The following CUX2 variants were observed in gnomAD, a reference collection of about 807,000 sequenced individuals.
CUX2 encodes cut like homeobox 2, also known as homeobox protein cut-like 2.
A neutral mutation model predicts 144.8 loss-of-function variants in CUX2; 40 were observed. That is an observed-to-expected ratio of 0.28 (90% CI 0.21 to 0.36). The LOEUF is 0.36. CUX2 is among the 10% of genes least tolerant of loss of function. The pLI is 1.00. For synonymous variants in CUX2, 827 were observed against 875.6 expected, an observed-to-expected ratio of 0.94 and a Z score of 0.98; for missense variants, 1,615 against 1,994.0, an observed-to-expected ratio of 0.81 and a Z score of 3.62.
At chr12:111,094,269 C>G (rs1872698653) in intron 1 of CUX2, among the ~76,000 whole-genome samples, 1 of 152,228 alleles carries the variant, frequency 6.6e-6, no homozygotes, top group Non-Finnish European at 1.5e-5. Flanking sequence ...AGGAGGGGAA[C>G]AGGCTGCGGC....
intron 1 of CUX2, among the ~76,000 whole-genome samples, chr12:111,152,302 A>AAAAT (rs1484013641): frequency 1.3e-5 from 2 of 152,018 alleles, no homozygotes; most frequent in Non-Finnish European, 2.9e-5. Flanking sequence ...ATAAATAAAT[A>AAAAT]AAATAAATAA....
chr12:111,310,115 C>T lies in CUX2; in HGVS notation c.1333C>T (p.Leu445Phe), dbSNP rs1013574051. Residue 445 changes from leucine to phenylalanine, a missense_variant, in exon 15 of 22, where the codon CTC becomes TTC. By Grantham distance (22) the Leu-to-Phe change is conservative. Coordinates refer to ENST00000261726, the MANE Select transcript of CUX2 (RefSeq NM_015267.4). The surrounding 1 kb of genome is among the most constrained non-coding windows in gnomAD (Gnocchi z 7.9). ...GCAGTCCTACCCCTCCCCTCAGCAGCTCCCACCTCCACCAGGGCCAGAAGA... is the reference window on the plus strand; with the variant it reads ...GCAGTCCTACCCCTCCCCTCAGCAGTTCCCACCTCCACCAGGGCCAGAAGA... ...TEQSYPSPQQ[L>F]PPPPGPEDPL... is the part of the protein sequence containing the mutation. 6.8e-7 allele frequency: 1 copy of T among 1,477,822 alleles called. No homozygotes were observed. The highest frequency in any genetic ancestry group is 2.6e-5 in the Admixed American group (1 of 38,312). The allele number at this position is 1,477,822 out of a possible 1,614,324, so 91.5% of individuals were successfully genotyped here.
chr12:111,216,394 G>A (rs1478042741), intron 2 of CUX2, among the ~76,000 whole-genome samples: 1 of 152,192 alleles, frequency 6.6e-6, no homozygotes, highest in Admixed American at 6.5e-5. Context: ...TGGACCAGAG[G>A]TCTCCCGCCA....
chr12:111,250,246 C>T (rs1336055214), intron 3 of CUX2, among the ~76,000 whole-genome samples: 1 of 152,144 alleles, frequency 6.6e-6, no homozygotes, highest in Non-Finnish European at 1.5e-5. Context: ...GCCACTTGCC[C>T]ACTTCAGGTG....
At position 111,329,638 on chromosome 12, in the gene CUX2, T is replaced by C. The variant is rs1396787559; in HGVS notation, c.2927-4803T>C. ...ACCCTCAGTTTTTTGTGTTTTTTGTTTGTTTGTTTGTTTTCGAGGTGGAGT... is the reference window on the plus strand; with the variant it reads ...ACCCTCAGTTTTTTGTGTTTTTTGTCTGTTTGTTTGTTTTCGAGGTGGAGT... On this transcript the variant is annotated intron_variant, in intron 18 of 21. Transcript: ENST00000261726. Among the ~76,000 whole-genome samples, 3 of 152,014 alleles carry C rather than the reference T, an allele frequency of 2.0e-5. No individual in the cohort carries two copies. The South Asian group carries it at 6.2e-4, about 32-fold the overall frequency.
rs1876102311 is a variant in CUX2 at position 111,138,789 on chromosome 12, T to C, written c.64-75411T>C. On this transcript the variant is annotated intron_variant, in intron 1 of 21. Transcript: ENST00000261726. ...CACCCTAGGGGCAGCCCACAGCCCC[T>C]GAGTGACTTGATTCAGGGGAAGAGT... Among the ~76,000 whole-genome samples the C allele has an allele frequency of 2.6e-5, 4 of 152,020 alleles. No homozygotes were observed. The South Asian group carries it at 6.2e-4, about 24-fold the overall frequency.
intron 18 of CUX2, among the ~76,000 whole-genome samples, chr12:111,323,242 A>G (rs1887622760): frequency 6.6e-6 from 1 of 152,250 alleles, no homozygotes; most frequent in Admixed American, 6.5e-5. Context: ...TGAGAAGGGC[A>G]GAGACCAGGG....
chr12:111,329,594 GA>G (rs1395759913), intron 18 of CUX2, among the ~76,000 whole-genome samples: 1 of 152,100 alleles, frequency 6.6e-6, no homozygotes, highest in Non-Finnish European at 1.5e-5. Flanking sequence ...AGTTTTCCAA[GA>G]GGGAGATGCC....
rs1869340467 is a variant in CUX2, at chr12:111,034,819, C to T, written c.63+579C>T. Among the ~76,000 whole-genome samples, 1 of 149,006 alleles carries T rather than the reference C, an allele frequency of 6.7e-6. No homozygotes were observed. The highest frequency in any genetic ancestry group is 2.4e-5 in the African/African-American group (1 of 41,074). On this transcript the variant is annotated intron_variant, in intron 1 of 21. Transcript: ENST00000261726. The surrounding 1 kb of genome is among the most constrained non-coding windows in gnomAD (Gnocchi z 4.2). ...CGCTCGCCGGCACCTCAGCCTTCGC[C>T]GCCCGCCTGGCTGCGCAGCCCGGAC...
chr12:111,291,608 C>G, intron 5 of CUX2, 56 bp downstream of exon 5: 2 of 1,485,748 alleles, frequency 1.3e-6, no homozygotes, highest in Non-Finnish European at 1.8e-6. Context: ...TGCAGATCTT[C>G]AGAGCCAAAC....
intron 5 of CUX2, among the ~76,000 whole-genome samples, chr12:111,291,860 C>T (rs568807978): frequency 1.3e-5 from 2 of 152,198 alleles, no homozygotes; most frequent in African/African-American, 4.8e-5. Flanking sequence ...CAGGTTCCCA[C>T]CCTCCATGGC....
chr12:111,322,295 G>A lies in CUX2; in HGVS notation c.2767-126G>A. ...ATGGTGCCACTGCACTCCATCCTGG[G>A]CGACAGACAAAGCGAGACTCTGCCT... is the stretch of plus-strand genomic sequence containing the variant. On this transcript the variant is annotated intron_variant, in intron 17 of 21. Coordinates refer to ENST00000261726, the MANE Select transcript of CUX2 (RefSeq NM_015267.4). The surrounding 1 kb of genome is among the most constrained non-coding windows in gnomAD (Gnocchi z 4.2). The A allele has an allele frequency of 1.9e-6, 2 of 1,080,094 alleles. No homozygotes were observed. Among genetic ancestry groups the A allele is most frequent in the South Asian group, 1.7e-5 (1 of 57,520 alleles). 66.9% of individuals were successfully genotyped at this position (1,080,094 alleles called of 1,614,324 possible).
At chr12:111,151,085 G>GA (rs983774866) in intron 1 of CUX2, among the ~76,000 whole-genome samples, 1 of 152,192 alleles carries the variant, frequency 6.6e-6, no homozygotes, top group African/African-American at 2.4e-5. Context: ...GCAGTAAAAT[G>GA]AAGAACTATA....
intron 1 of CUX2, among the ~76,000 whole-genome samples, chr12:111,130,279 G>A (rs534471405): frequency 2.0e-5 from 3 of 152,266 alleles, no homozygotes; most frequent in African/African-American, 4.8e-5. Context: ...TATGATTCAG[G>A]TTAAACTTTT....
At chr12:111,041,739 T>C (rs1869752841) in intron 1 of CUX2, among the ~76,000 whole-genome samples, 1 of 152,172 alleles carries the variant, frequency 6.6e-6, no homozygotes, top group Non-Finnish European at 1.5e-5. Flanking sequence ...GCCAGGGCCC[T>C]GTGCCAGGGG....
intron 16 of CUX2, among the ~76,000 whole-genome samples, chr12:111,314,362 G>A (rs916143417): frequency 9.9e-5 from 15 of 152,056 alleles, no homozygotes; most frequent in Non-Finnish European, 1.0e-4. Flanking sequence ...GTGAGCCACC[G>A]TGCCCAGACC....
chr12:111,083,034 C>T (rs1268829711), intron 1 of CUX2, among the ~76,000 whole-genome samples: 2 of 152,140 alleles, frequency 1.3e-5, no homozygotes, highest in Non-Finnish European at 2.9e-5. Flanking sequence ...TAGGGGCTGC[C>T]CTGTGCCTTT....
Position 111,334,618 on chromosome 12 carries a change from G to A in CUX2, c.3104G>A (p.Gly1035Glu). The A allele has an allele frequency of 1.2e-6, 2 of 1,614,036 alleles. No individual in the cohort carries two copies. The highest frequency in any genetic ancestry group is 2.2e-5 in the East Asian group (1 of 44,864). Reference protein sequence around the residue: ...GKMYSGSQAPGGIQEIVAMSP... With the variant: ...GKMYSGSQAPEGIQEIVAMSP... ...ATGTACTCAGGCAGCCAGGCCCCAGGGGGCATCCAGGAGATCGTGGCCATG... is the reference window on the plus strand; with the variant it reads ...ATGTACTCAGGCAGCCAGGCCCCAGAGGGCATCCAGGAGATCGTGGCCATG... Residue 1035 changes from glycine to glutamate, a missense_variant, in exon 19 of 22, where the codon GGG becomes GAG. Gly to Glu is a moderately conservative substitution (Grantham distance 98). Coordinates refer to ENST00000261726, the MANE Select transcript of CUX2 (RefSeq NM_015267.4).
rs1888873777 is a variant in CUX2, at chr12:111,347,750, G to C, written c.3886G>C (p.Val1296Leu). 6.2e-7 allele frequency: 1 copy of C among 1,614,008 alleles called. No individual in the cohort carries two copies. The highest frequency in any genetic ancestry group is 8.5e-7 in the Non-Finnish European group (1 of 1,179,980). The change falls in exon 22 of 22, where the codon GTG (valine) becomes CTG (leucine). Residue 1296 changes from valine to leucine, a missense_variant. By Grantham distance (32) the Val-to-Leu change is conservative. Transcript: ENST00000261726. ...TPLTTQDKAQ[V>L]RIKQEQMEED... ...CCTGACCACCCAGGACAAGGCCCAA[G>C]TGAGGATCAAGCAGGAACAGATGGA...
Sources: gnomAD v4.1 joint callset for allele counts (sites outside exome capture counted in the v4.1 genomes callset) on GRCh38, gnomAD v4.1.1 for gene constraint, Gnocchi (gnomAD v3.1) non-coding constraint, MANE v1.5 for transcripts, NCBI Gene and HGNC (gene_info 2026-07-23, HGNC 2026-07-21) for gene names.